RAB3C: variants seen among roughly 807,000 people sequenced by gnomAD.
RAB3C encodes the protein ras-related protein Rab-3C.
In RAB3C, 17 loss-of-function variants were observed where a neutral mutation model predicts 26.4. The observed-to-expected ratio is 0.64, with a 90% CI of 0.44 to 0.97. The LOEUF (loss-of-function observed/expected upper bound fraction) is 0.97, where lower values mean the gene tolerates loss of function less well. Among genes scored for constraint, RAB3C ranks in the 50% least tolerant of loss-of-function variants. The pLI, the probability that RAB3C is intolerant of heterozygous loss-of-function variation, is 0.00. For missense variants in RAB3C, 242 were observed against 281.9 expected (o/e 0.86, Z 1.01); for synonymous variants, 91 against 95.9 (o/e 0.95, Z 0.30).
chr5:58,597,120 C>CATTATATATATTAT (rs1746317199), intron 1 of RAB3C, among the ~76,000 whole-genome samples: 2 of 40,468 alleles, frequency 4.9e-5, no homozygotes, highest in African/African-American at 8.7e-5. Context: ...ATATATAATA[C>CATTATATATATTAT]ATAATATATA....
intron 2 of RAB3C, among the ~76,000 whole-genome samples, chr5:58,688,373 C>T (rs1439168015): frequency 3.3e-5 from 5 of 152,040 alleles, no homozygotes; most frequent in Admixed American, 2.0e-4. Context: ...TTTCCAGGAC[C>T]CAGAATAGGT....
At chr5:58,716,244 G>T (rs1225888309) in intron 2 of RAB3C, among the ~76,000 whole-genome samples, 1 of 151,996 alleles carries the variant, frequency 6.6e-6, no homozygotes, top group Non-Finnish European at 1.5e-5. Flanking sequence ...CTTAGCACTG[G>T]ACACAGCTAC....
chr5:58,595,751 T>C (rs1281027352), intron 1 of RAB3C, among the ~76,000 whole-genome samples: 1 of 152,152 alleles, frequency 6.6e-6, no homozygotes, highest in Non-Finnish European at 1.5e-5. Context: ...AATAAAAATG[T>C]ATCCAACTGG....
chr5:58,608,515 G>A (rs889256896), intron 1 of RAB3C, among the ~76,000 whole-genome samples: 7 of 152,088 alleles, frequency 4.6e-5, no homozygotes, highest in East Asian at 3.9e-4. Flanking sequence ...TTAGAATGGC[G>A]ATCATTAAAA....
chr5:58,755,406 G>A (rs116910999), intron 3 of RAB3C, among the ~76,000 whole-genome samples: 1 of 152,166 alleles, frequency 6.6e-6, no homozygotes, highest in African/African-American at 2.4e-5. Flanking sequence ...AATGTGTATT[G>A]TGAAATGGTG....
At chr5:58,664,779 T>C (rs1193750078) in intron 2 of RAB3C, among the ~76,000 whole-genome samples, 1 of 152,130 alleles carries the variant, frequency 6.6e-6, no homozygotes, top group Non-Finnish European at 1.5e-5. Context: ...TCCCATAATA[T>C]ACTAAGAATC....
chr5:58,586,013 T>C (rs1239136042), intron 1 of RAB3C, among the ~76,000 whole-genome samples: 1 of 152,026 alleles, frequency 6.6e-6, no homozygotes, highest in Non-Finnish European at 1.5e-5. Flanking sequence ...AGGACAAGAC[T>C]CTGGTTAACA....
chr5:58,658,526 T>G (rs1747830034), intron 2 of RAB3C, among the ~76,000 whole-genome samples: 1 of 152,216 alleles, frequency 6.6e-6, no homozygotes, highest in African/African-American at 2.4e-5. Flanking sequence ...ATGCCATGGT[T>G]AATGAAAAGA....
At chr5:58,780,720 T>C (rs1742252453) in intron 3 of RAB3C, among the ~76,000 whole-genome samples, 1 of 152,078 alleles carries the variant, frequency 6.6e-6, no homozygotes, top group African/African-American at 2.4e-5. Flanking sequence ...CCTATGTCTG[T>C]TTCACGACCC....
At chr5:58,603,012 C>T (rs374367486) in intron 1 of RAB3C, among the ~76,000 whole-genome samples, 8 of 152,192 alleles carry the variant, frequency 5.3e-5, no homozygotes, top group African/African-American at 1.4e-4. Context: ...GGCTTGGTAA[C>T]GGTGAATTCT....
rs757179929 is a variant in RAB3C, at chr5:58,851,330, G to A, written c.663G>A (p.Pro221=). 4.4e-5 allele frequency: 70 copies of A among 1,606,616 alleles called. No homozygotes were observed. Among genetic ancestry groups the A allele is most frequent in the Middle Eastern group, 3.3e-4 (2 of 6,050 alleles). ...GACTCAAGGAAACTCCTCCTCCACC[G>A]CAGCCCAACTGTGCCTGCTAGTGTC... is the stretch of plus-strand genomic sequence containing the variant. ...NTRLKETPPP[P]QPNCAC is the part of the protein sequence containing the mutation. Residue 221 remains proline, a synonymous_variant, in exon 5 of 5, where the codon CCG becomes CCA. Transcript: ENST00000282878.
At chr5:58,609,017 A>C (rs1036898845) in intron 1 of RAB3C, among the ~76,000 whole-genome samples, 2 of 152,154 alleles carry the variant, frequency 1.3e-5, no homozygotes, top group African/African-American at 2.4e-5. Flanking sequence ...AGGGCAGGAA[A>C]CATCACACAC....
intron 2 of RAB3C, among the ~76,000 whole-genome samples, chr5:58,705,885 A>T (rs1031502983): frequency 1.3e-5 from 2 of 152,128 alleles, no homozygotes; most frequent in African/African-American, 4.8e-5. Flanking sequence ...TCTTCTTATG[A>T]TGGGAGATAA....
chr5:58,844,780 C>T (rs756263769), intron 4 of RAB3C, among the ~76,000 whole-genome samples: 6 of 152,056 alleles, frequency 3.9e-5, no homozygotes, highest in Non-Finnish European at 8.8e-5. Context: ...TGCAGTGTGA[C>T]TTTAGTGGCT....
intron 4 of RAB3C, among the ~76,000 whole-genome samples, chr5:58,839,395 A>G: frequency 7.3e-6 from 1 of 136,180 alleles, no homozygotes; most frequent in South Asian, 2.4e-4. Context: ...TTTGAGACAG[A>G]GTTTTGCTGT....
intron 2 of RAB3C, among the ~76,000 whole-genome samples, chr5:58,641,529 T>C (rs899510548): frequency 2.4e-4 from 37 of 152,250 alleles, no homozygotes; most frequent in African/African-American, 8.7e-4. Context: ...CATTTCTGAT[T>C]TTTTCTTTCC....
Position 58,859,018 on chromosome 5 carries a change from G to A in RAB3C, c.*7667G>A, listed in dbSNP as rs1292285869. 6.6e-6 allele frequency: 1 copy of A among 152,208 alleles called. No homozygotes were observed. Among genetic ancestry groups the A allele is most frequent in the Non-Finnish European group, 1.5e-5 (1 of 68,038 alleles). The allele number at this position is 152,208 out of a possible 1,614,324, so 9.4% of individuals were successfully genotyped here. ...TAAAGGGCATTGGAAATGCACAGAT[G>A]AAGATCTTCCTTTGGAACCAGGCAC... is the stretch of plus-strand genomic sequence containing the variant. On this transcript the variant is annotated 3_prime_UTR_variant, in exon 5 of 5. Transcript: ENST00000282878.
Position 58,617,692 on chromosome 5 carries a change from AGAACTTT to A in RAB3C, c.77_83del (p.Asn26ThrfsTer42). ...TACGGCCAGAAAGACTCCTCTGATCAGAACTTTGACTACATGTTCAAATTACTCATCA... is the reference window on the plus strand; with the variant it reads ...TACGGCCAGAAAGACTCCTCTGATCAGACTACATGTTCAAATTACTCATCA... On this transcript the variant is annotated frameshift_variant, in exon 2 of 5. Coordinates refer to ENST00000282878, the MANE Select transcript of RAB3C (RefSeq NM_138453.4). LOFTEE classifies it high-confidence loss of function. 1 of 1,614,030 alleles carries A rather than the reference AGAACTTT, an allele frequency of 6.2e-7. No homozygotes were observed. Among genetic ancestry groups the A allele is most frequent in the Non-Finnish European group, 8.5e-7 (1 of 1,179,918 alleles).
intron 3 of RAB3C, chr5:58,784,765 G>A (rs904522668): frequency 2.0e-5 from 3 of 152,184 alleles, no homozygotes; most frequent in Admixed American, 2.0e-4. Flanking sequence ...TGCTTGAAAA[G>A]AGTCAATGAG....
Sources: gnomAD v4.1 joint callset for allele counts (sites outside exome capture counted in the v4.1 genomes callset) on GRCh38, gnomAD v4.1.1 for gene constraint, MANE v1.5 for transcripts, NCBI Gene and HGNC (gene_info 2026-07-23, HGNC 2026-07-21) for gene names.